ZGRF1: variants seen among roughly 807,000 people sequenced by gnomAD.
ZGRF1 encodes the protein 5'-3' DNA helicase ZGRF1.
In ZGRF1, 196 loss-of-function variants were observed where a neutral mutation model predicts 203.5. That is an observed-to-expected ratio of 0.96 (90% CI 0.86 to 1.08). The LOEUF is 1.08. Among genes scored for constraint, ZGRF1 ranks in the 50% least tolerant of loss-of-function variants. ZGRF1 has a pLI of 0.00. For missense variants in ZGRF1, 2,326 were observed against 2,416.3 expected, an observed-to-expected ratio of 0.96 and a Z score of 0.78; for synonymous variants, 809 against 841.3, an observed-to-expected ratio of 0.96 and a Z score of 0.66.
intron 3 of ZGRF1, among the ~76,000 whole-genome samples, chr4:112,624,853 ACCC>A (rs1242900760): frequency 6.6e-6 from 1 of 152,148 alleles, no homozygotes; most frequent in Non-Finnish European, 1.5e-5. Flanking sequence ...CTAGGTATAT[ACCC>A]AACAGAAATA....
chr4:112,588,922 T>C (rs899054400), intron 11 of ZGRF1, among the ~76,000 whole-genome samples: 1 of 152,142 alleles, frequency 6.6e-6, no homozygotes, highest in Non-Finnish European at 1.5e-5. Context: ...ACTGTGAAAA[T>C]CATCTACTGT....
chr4:112,612,500 T>A, intron 7 of ZGRF1, 24 bp downstream of exon 7: 1 of 1,465,204 alleles, frequency 6.8e-7, no homozygotes. Flanking sequence ...AAAAAAAACA[T>A]ACTCTTAGAA....
intron 3 of ZGRF1, among the ~76,000 whole-genome samples, chr4:112,625,490 CAGG>C (rs927720635): frequency 8.8e-5 from 13 of 148,096 alleles, no homozygotes; most frequent in South Asian, 2.1e-4. Context: ...GAGGCTGAGG[CAGG>C]AGAATGGCGT....
In ZGRF1 at chr4:112,543,212, CT is replaced by C. The variant is rs565293325; in HGVS notation, c.5599-1945del. The stretch of plus-strand genomic sequence containing the variant: ...GTTAGATAAAATATGACATATATAG[CT>C]AAAGATCCCCCTTCATTGCTTTCTT... On this transcript the variant is annotated intron_variant, in intron 24 of 27. Transcript: ENST00000505019. Among the ~76,000 whole-genome samples, 107 of 152,130 alleles carry C rather than the reference CT, an allele frequency of 7.0e-4. 1 individual carries two copies. Among genetic ancestry groups the C allele is most frequent in the Non-Finnish European group, 1.3e-3 (88 of 68,006 alleles).
At chr4:112,608,408 C>T (rs548092144) in intron 8 of ZGRF1, among the ~76,000 whole-genome samples, 59 of 152,212 alleles carry the variant, frequency 3.9e-4, no homozygotes, top group Admixed American at 9.2e-4. Flanking sequence ...AGCCTGAGGT[C>T]AGGAGTTCGA....
chr4:112,540,214 TA>T (rs1560722824), intron 26 of ZGRF1, 90 bp from the exon 27 acceptor site: 11 of 862,776 alleles, frequency 1.3e-5, no homozygotes, highest in African/African-American at 1.7e-5. Context: ...GTAATTTAAC[TA>T]ATAGTAAATA....
Position 112,618,496 on chromosome 4 carries a change from T to G in ZGRF1, c.1546A>C (p.Ile516Leu). The G allele has an allele frequency of 6.2e-7, 1 of 1,613,076 alleles. No individual in the cohort carries two copies. Among genetic ancestry groups the G allele is most frequent in the Non-Finnish European group, 8.5e-7 (1 of 1,179,394 alleles). Residue 516 changes from isoleucine to leucine, a missense_variant, in exon 6 of 28, where the codon ATT (isoleucine) becomes CTT (leucine). Coordinates refer to ENST00000505019, the MANE Select transcript of ZGRF1 (RefSeq NM_018392.5). ...GTTACATTACTCAGAGATTCATGAATACTATTAAGACTTTCATTATCCATT... is the reference window on the plus strand; with the variant it reads ...GTTACATTACTCAGAGATTCATGAAGACTATTAAGACTTTCATTATCCATT... ...SKMDNESLNS[I>L]HESLSNVTQP...
intron 3 of ZGRF1, chr4:112,628,530 A>T: frequency 2.2e-6 from 1 of 453,336 alleles, no homozygotes; most frequent in African/African-American, 2.0e-5. Context: ...TAGATAGAGA[A>T]AAGGCATAAC....
intron 16 of ZGRF1, among the ~76,000 whole-genome samples, chr4:112,572,001 G>C (rs1011418549): frequency 6.6e-6 from 1 of 152,134 alleles, no homozygotes; most frequent in African/African-American, 2.4e-5. Context: ...GACAGAGGTA[G>C]CATTTCAGAT....
chr4:112,583,709 T>C (rs1746670064), intron 15 of ZGRF1, among the ~76,000 whole-genome samples: 2 of 151,754 alleles, frequency 1.3e-5, no homozygotes. Context: ...GAGGCTGAGG[T>C]GGGTGGAGAG....
At chr4:112,591,453 G>A (rs756266322) in intron 10 of ZGRF1, among the ~76,000 whole-genome samples, 2 of 152,142 alleles carry the variant, frequency 1.3e-5, no homozygotes, top group Middle Eastern at 3.4e-3. Flanking sequence ...ATGTAAGTTC[G>A]ATTATTTCAT....
At chr4:112,613,439 A>G (rs1258562568) in intron 6 of ZGRF1, among the ~76,000 whole-genome samples, 1 of 151,550 alleles carries the variant, frequency 6.6e-6, no homozygotes, top group Non-Finnish European at 1.5e-5. Context: ...CTAGGGAAAT[A>G]GCAGTGAACA....
intron 6 of ZGRF1, among the ~76,000 whole-genome samples, chr4:112,614,178 A>T (rs532767496): frequency 1.3e-5 from 2 of 152,358 alleles, no homozygotes; most frequent in South Asian, 4.1e-4. Flanking sequence ...TAAACTTCAT[A>T]AAAGTATGTT....
In ZGRF1 at chr4:112,589,766, C is replaced by T. The variant is rs761698316; in HGVS notation, c.3085G>A (p.Ala1029Thr). 1.9e-6 allele frequency: 3 copies of T among 1,613,768 alleles called. No individual in the cohort carries two copies. The highest frequency in any genetic ancestry group is 2.2e-5 in the South Asian group (2 of 91,062). Reference sequence around the variant, plus strand: ...TGAAGATCATCAGGTAAAGTTCTTGCTTTCAGGGACGTCTCAGAGAATTCT... The same window carrying T: ...TGAAGATCATCAGGTAAAGTTCTTGTTTTCAGGGACGTCTCAGAGAATTCT... ...MVEFSETSLK[A>T]RTLPDDLHFL... The change falls in exon 11 of 28, where the codon GCA (alanine) becomes ACA (threonine). Residue 1029 changes from alanine (A) to threonine (T), a missense_variant. By Grantham distance (58) the Ala-to-Thr change is moderately conservative. Coordinates refer to ENST00000505019, the MANE Select transcript of ZGRF1 (RefSeq NM_018392.5).
At chr4:112,574,166 T>C (rs1389241069) in intron 16 of ZGRF1, among the ~76,000 whole-genome samples, 1 of 152,176 alleles carries the variant, frequency 6.6e-6, no homozygotes, top group Admixed American at 6.5e-5. Flanking sequence ...TAAAAGACAG[T>C]ACAAGAATAA....
rs764201024 is a variant in ZGRF1 at position 112,562,428 on chromosome 4, T to G, written c.4640A>C (p.Asn1547Thr). 25 of 1,610,598 alleles carry G rather than the reference T, an allele frequency of 1.6e-5. No homozygotes were observed. Among genetic ancestry groups the G allele is most frequent in the African/African-American group, 4.0e-5 (3 of 74,894 alleles). Reference sequence around the variant, plus strand: ...AGCTGGATTAAAGTAGTCCTGAATGTTTTTCAAAGTAGTCAGTTCTGTGCT... The same window carrying G: ...AGCTGGATTAAAGTAGTCCTGAATGGTTTTCAAAGTAGTCAGTTCTGTGCT... ...NASTELTTLK[N>T]IQDYFNPATL... The change falls in exon 18 of 28, where the codon AAC becomes ACC. Residue 1547 changes from asparagine to threonine, a missense_variant. Physicochemically the swap from Asn to Thr is moderately conservative, Grantham distance 65 (BLOSUM62 0). Coordinates refer to ENST00000505019, the MANE Select transcript of ZGRF1 (RefSeq NM_018392.5).
intron 20 of ZGRF1, among the ~76,000 whole-genome samples, chr4:112,556,025 C>T (rs963256270): frequency 2.0e-5 from 3 of 151,498 alleles, no homozygotes; most frequent in African/African-American, 7.3e-5. Flanking sequence ...TCTAAAGTTC[C>T]TTCCTGTGTA....
intron 24 of ZGRF1, among the ~76,000 whole-genome samples, chr4:112,544,328 A>G (rs1342602749): frequency 1.3e-5 from 2 of 152,208 alleles, no homozygotes; most frequent in Admixed American, 6.5e-5. Flanking sequence ...ATTATGCAAC[A>G]AAGAAAGATT....
intron 25 of ZGRF1, 60 bp from the exon 26 acceptor site, chr4:112,541,015 A>G: frequency 6.5e-7 from 1 of 1,545,386 alleles, no homozygotes; most frequent in Non-Finnish European, 8.8e-7. Flanking sequence ...AAAACCAAGT[A>G]AAATCATACA....
Sources: gnomAD v4.1 joint callset for allele counts (sites outside exome capture counted in the v4.1 genomes callset) on GRCh38, gnomAD v4.1.1 for gene constraint, MANE v1.5 for transcripts, NCBI Gene and HGNC (gene_info 2026-07-23, HGNC 2026-07-21) for gene names.